Variants in MBNL1 observed in about 807,000 individuals in gnomAD.
The protein encoded by MBNL1 is muscleblind like splicing regulator 1.
MBNL1 carries 8 observed loss-of-function variants against 42.2 expected under a neutral mutation model. That is an observed-to-expected ratio of 0.19 (90% CI 0.11 to 0.34). The LOEUF is 0.34. MBNL1 is among the 10% of genes least tolerant of loss of function. The pLI is 1.00. For synonymous variants in MBNL1, 169 were observed against 173.9 expected (o/e 0.97, Z 0.22); for missense variants, 309 against 495.3 (o/e 0.62, Z 3.57).
intron 2 of MBNL1, among the ~76,000 whole-genome samples, chr3:152,308,814 G>GT (rs1156826811): frequency 1.0e-4 from 15 of 149,776 alleles, no homozygotes; most frequent in African/African-American, 3.7e-4. Context: ...TTTTTGTTTT[G>GT]TTTTGTTTTT....
At chr3:152,441,797 A>AT (rs575249225) in intron 4 of MBNL1, among the ~76,000 whole-genome samples, 134 of 152,068 alleles carry the variant, frequency 8.8e-4, no homozygotes, top group African/African-American at 3.1e-3. Flanking sequence ...ATCAAACAAT[A>AT]TTTTTTTTCT....
intron 2 of MBNL1, among the ~76,000 whole-genome samples, chr3:152,344,922 GC>G (rs2093980386): frequency 6.6e-6 from 1 of 151,968 alleles, no homozygotes; most frequent in Non-Finnish European, 1.5e-5. Flanking sequence ...CCATGCTTTT[GC>G]TTTTACTGTA....
chr3:152,249,059 A>C (rs2033900591), intron 2 of MBNL1, among the ~76,000 whole-genome samples: 1 of 149,594 alleles, frequency 6.7e-6, no homozygotes, highest in African/African-American at 2.5e-5. Context: ...GCTATTGTGA[A>C]TAGTGCCACA....
chr3:152,428,799 A>G (rs1188867823), intron 3 of MBNL1, among the ~76,000 whole-genome samples: 1 of 152,184 alleles, frequency 6.6e-6, no homozygotes, highest in Non-Finnish European at 1.5e-5. Flanking sequence ...TCATTGTGTG[A>G]AAACCACTTT....
At chr3:152,346,905 A>G (rs985118084) in intron 2 of MBNL1, among the ~76,000 whole-genome samples, 1 of 149,372 alleles carries the variant, frequency 6.7e-6, no homozygotes, top group African/African-American at 2.5e-5. Context: ...AAAACCAGTC[A>G]TGGTGACTCA....
intron 2 of MBNL1, among the ~76,000 whole-genome samples, chr3:152,387,536 C>T (rs187443780): frequency 2.0e-5 from 3 of 152,204 alleles, no homozygotes; most frequent in East Asian, 1.9e-4. Flanking sequence ...ATTAGTCACT[C>T]GTATTAATTA....
chr3:152,412,109 C>T (rs1221870080), intron 2 of MBNL1, among the ~76,000 whole-genome samples: 1 of 152,144 alleles, frequency 6.6e-6, no homozygotes, highest in East Asian at 1.9e-4. Context: ...AGGTATGTTC[C>T]TGGTGGTTTT....
rs543375081 is a variant in MBNL1 at position 152,396,346 on chromosome 3, A to G, written c.175-18595A>G. The G allele has an allele frequency of 2.6e-4, 43 of 165,696 alleles. 1 individual carries two copies. The highest frequency in any genetic ancestry group is 3.1e-4 in the Admixed American group (5 of 15,928). 10.3% of individuals were successfully genotyped at this position (165,696 alleles called of 1,614,324 possible). On this transcript the variant is annotated intron_variant, in intron 2 of 9. Transcript: ENST00000324210. ...TCCGCCACTCCACCACCACCAGTCC[A>G]GGGAAGAATTGTCTTCCACGAGGCT...
chr3:152,346,682 C>A (rs748636038), intron 2 of MBNL1, among the ~76,000 whole-genome samples: 2 of 151,960 alleles, frequency 1.3e-5, no homozygotes, highest in African/African-American at 4.8e-5. Flanking sequence ...TTATCATTTA[C>A]GTCAAAAATG....
intron 2 of MBNL1, among the ~76,000 whole-genome samples, chr3:152,352,411 A>G (rs145989674): frequency 1.1e-4 from 17 of 152,332 alleles, no homozygotes; most frequent in Non-Finnish European, 2.1e-4. Context: ...AGAATTGTAA[A>G]TTAAAACAAT....
At chr3:152,338,353 T>G in intron 2 of MBNL1, 2 of 985,318 alleles carry the variant, frequency 2.0e-6, no homozygotes, top group Non-Finnish European at 2.4e-6. Flanking sequence ...GACAGAACCT[T>G]GGGTTCTGTG....
intron 2 of MBNL1, among the ~76,000 whole-genome samples, chr3:152,260,568 A>G (rs2036080324): frequency 6.6e-6 from 1 of 152,232 alleles, no homozygotes; most frequent in African/African-American, 2.4e-5. Flanking sequence ...GAAGATATGT[A>G]TATCTTCAAA....
In MBNL1 at chr3:152,458,124, C is replaced by T. The variant is rs774126864; in HGVS notation, c.1093-1147C>T. On this transcript the variant is annotated intron_variant, in intron 8 of 9. Transcript: ENST00000324210. Reference sequence around the variant, plus strand: ...GGTGTTGAAGGTCCTTGGTATGTTTCGACAGCCCCATCCTTGATGCTTCTA... The same window carrying T: ...GGTGTTGAAGGTCCTTGGTATGTTTTGACAGCCCCATCCTTGATGCTTCTA... The T allele has an allele frequency of 2.4e-5, 38 of 1,613,618 alleles. No homozygotes were observed. The highest frequency in any genetic ancestry group is 9.9e-5 in the South Asian group (9 of 91,070).
At chr3:152,349,645 T>C (rs1350904441) in intron 2 of MBNL1, among the ~76,000 whole-genome samples, 1 of 152,128 alleles carries the variant, frequency 6.6e-6, no homozygotes, top group African/African-American at 2.4e-5. Flanking sequence ...AGTTCCTTTT[T>C]TTCATAGCGG....
At chr3:152,336,113 T>G (rs1275215226) in intron 2 of MBNL1, among the ~76,000 whole-genome samples, 1 of 152,162 alleles carries the variant, frequency 6.6e-6, no homozygotes, top group African/African-American at 2.4e-5. Flanking sequence ...ATGAAAACCT[T>G]TGTTTAGATG....
chr3:152,323,950 A>G (rs892972291), intron 2 of MBNL1, among the ~76,000 whole-genome samples: 1 of 152,144 alleles, frequency 6.6e-6, no homozygotes, highest in African/African-American at 2.4e-5. Flanking sequence ...CTTTTATATG[A>G]CATGCAGTTT....
chr3:152,381,290 G>C (rs75212348), intron 2 of MBNL1, among the ~76,000 whole-genome samples: 1 of 151,832 alleles, frequency 6.6e-6, no homozygotes, highest in East Asian at 1.9e-4. Flanking sequence ...TTCCTTATTA[G>C]ACTTCTGTCT....
At position 152,283,921 on chromosome 3, in the gene MBNL1, AC is replaced by A. The variant is rs774011179; in HGVS notation, c.-790+14831del. On this transcript the variant is annotated intron_variant, in intron 1 of 9. Transcript: ENST00000324210. ...CTTATCCCTTTTGAAACTAACCTTG[AC>A]CTCTCTCTTTAACTTACCAAGCTTT... is the stretch of plus-strand genomic sequence containing the variant. 5.9e-5 allele frequency among the ~76,000 whole-genome samples: 9 copies of A among 152,092 alleles called. No individual in the cohort carries two copies. In the East Asian group the frequency reaches 1.7e-3, roughly 29 times the overall value.
At chr3:152,385,928 C>T (rs372500742) in intron 2 of MBNL1, among the ~76,000 whole-genome samples, 4 of 151,928 alleles carry the variant, frequency 2.6e-5, no homozygotes, top group African/African-American at 9.7e-5. Context: ...TGAAGTCTAT[C>T]CCATATTAAT....
Sources: allele counts gnomAD v4.1 joint callset (sites outside exome capture counted in the v4.1 genomes callset), GRCh38; gene constraint gnomAD v4.1.1; transcripts MANE v1.5; gene names NCBI Gene and HGNC (gene_info 2026-07-23, HGNC 2026-07-21).